Variants in NOVA1 observed in about 807,000 individuals in gnomAD.
NOVA1 encodes RNA-binding protein Nova-1.
In NOVA1, 7 loss-of-function variants were observed where a neutral mutation model predicts 38.0. The ratio of observed to expected loss-of-function variants is 0.18; its 90% CI spans 0.10 to 0.35. The LOEUF is 0.35. Ranked by LOEUF, NOVA1 falls within the 10% of genes least tolerant of loss-of-function variation. The pLI, the probability that NOVA1 is intolerant of heterozygous loss-of-function variation, is 1.00. For synonymous variants in NOVA1, 270 were observed against 232.5 expected, an observed-to-expected ratio of 1.16 and a Z score of -1.47; for missense variants, 460 against 616.0, an observed-to-expected ratio of 0.75 and a Z score of 2.68.
At chr14:26,475,131 A>G (rs900097773) in intron 3 of NOVA1, among the ~76,000 whole-genome samples, 3 of 152,148 alleles carry the variant, frequency 2.0e-5, no homozygotes, top group African/African-American at 7.2e-5. Context: ...AATCCGTAAG[A>G]AATATTTCAA....
chr14:26,561,345 C>A (rs1401068050), intron 2 of NOVA1, among the ~76,000 whole-genome samples: 2 of 152,176 alleles, frequency 1.3e-5, no homozygotes, highest in African/African-American at 2.4e-5. Flanking sequence ...ATTTTTAGAT[C>A]TTTTGTTACT....
intron 2 of NOVA1, chr14:26,592,844 T>C (rs1893942476): frequency 6.6e-6 from 1 of 151,714 alleles, no homozygotes; most frequent in South Asian, 2.1e-4. Context: ...CTGTATTCTG[T>C]GTTACACATC....
At chr14:26,567,145 A>C (rs1034169175) in intron 2 of NOVA1, among the ~76,000 whole-genome samples, 1 of 152,152 alleles carries the variant, frequency 6.6e-6, no homozygotes, top group African/African-American at 2.4e-5. Flanking sequence ...ATATTAAAGC[A>C]TATACTTTGG....
At chr14:26,449,966 T>A (rs965223193) in intron 4 of NOVA1, among the ~76,000 whole-genome samples, 6 of 152,110 alleles carry the variant, frequency 3.9e-5, no homozygotes, top group African/African-American at 1.2e-4. Flanking sequence ...TTTTCTATCA[T>A]CCCTAAAATT....
chr14:26,563,498 A>G (rs1197566170), intron 2 of NOVA1, among the ~76,000 whole-genome samples: 2 of 152,076 alleles, frequency 1.3e-5, no homozygotes, highest in African/African-American at 4.8e-5. Flanking sequence ...AAGGAAAATA[A>G]GAAAATCAGA....
At chr14:26,458,910 A>G (rs962125150) in intron 4 of NOVA1, among the ~76,000 whole-genome samples, 6 of 152,252 alleles carry the variant, frequency 3.9e-5, no homozygotes, top group African/African-American at 1.4e-4. Flanking sequence ...AAGTGTTTAG[A>G]AGTCAAAAGA....
intron 2 of NOVA1, among the ~76,000 whole-genome samples, chr14:26,522,012 C>T (rs1888934580): frequency 6.6e-6 from 1 of 151,888 alleles, no homozygotes; most frequent in African/African-American, 2.4e-5. Flanking sequence ...TAATACTGAT[C>T]TAGAATGAAA....
At chr14:26,503,537 T>G (rs550026767) in intron 2 of NOVA1, among the ~76,000 whole-genome samples, 48 of 152,232 alleles carry the variant, frequency 3.2e-4, no homozygotes, top group Middle Eastern at 6.8e-3. Context: ...TCTAGTACAA[T>G]TCTATTGGAA....
At chr14:26,481,556 TAAACAATGAAA>T (rs920733985) in intron 2 of NOVA1, among the ~76,000 whole-genome samples, 25 of 152,122 alleles carry the variant, frequency 1.6e-4, no homozygotes, top group African/African-American at 6.0e-4. Context: ...TGTCATATTT[TAAACAATGAAA>T]ATTCAGATCT....
chr14:26,502,485 G>A (rs568323624), intron 2 of NOVA1, among the ~76,000 whole-genome samples: 2 of 150,994 alleles, frequency 1.3e-5, no homozygotes, highest in African/African-American at 4.9e-5. Context: ...TAGCATTTTC[G>A]TTAACTTGCT....
At chr14:26,591,229 T>A (rs1040223111) in intron 2 of NOVA1, among the ~76,000 whole-genome samples, 2 of 151,688 alleles carry the variant, frequency 1.3e-5, no homozygotes, top group African/African-American at 4.8e-5. Flanking sequence ...TGTTTCTCCT[T>A]CAACTGTAGA....
At chr14:26,542,946 A>C (rs1242905879) in intron 2 of NOVA1, among the ~76,000 whole-genome samples, 1 of 151,926 alleles carries the variant, frequency 6.6e-6, no homozygotes, top group Non-Finnish European at 1.5e-5. Flanking sequence ...CCAAACCAGA[A>C]CTAAAACCTA....
At chr14:26,449,056 T>A (rs1882391188) in intron 4 of NOVA1, 93 bp from the exon 5 acceptor site, 2 of 1,171,472 alleles carry the variant, frequency 1.7e-6, no homozygotes, top group Non-Finnish European at 2.3e-6. Context: ...AATAATAAAC[T>A]GAAAATTAAA....
intron 2 of NOVA1, among the ~76,000 whole-genome samples, chr14:26,570,274 G>C (rs749997770): frequency 3.6e-4 from 54 of 151,968 alleles, no homozygotes; most frequent in Non-Finnish European, 7.5e-4. Context: ...TTGAACCTGG[G>C]AGGCAGAGGT....
intron 2 of NOVA1, among the ~76,000 whole-genome samples, chr14:26,554,089 C>T (rs1239823625): frequency 6.8e-5 from 10 of 146,166 alleles, no homozygotes; most frequent in African/African-American, 1.0e-4. Context: ...GCAGAGGCTG[C>T]ACTGAGCCAA....
intron 2 of NOVA1, among the ~76,000 whole-genome samples, chr14:26,572,405 G>A (rs1892535094): frequency 6.6e-6 from 1 of 152,124 alleles, no homozygotes; most frequent in African/African-American, 2.4e-5. Flanking sequence ...ATAAATTTAA[G>A]AGAATACATT....
intron 2 of NOVA1, among the ~76,000 whole-genome samples, chr14:26,535,852 G>A (rs1287793000): frequency 1.1e-4 from 17 of 151,872 alleles, no homozygotes; most frequent in Non-Finnish European, 2.2e-4. Context: ...GGTGGTGGGC[G>A]CCTGTAGTCC....
chr14:26,449,037 G>C (rs962686824), intron 4 of NOVA1, 74 bp from the exon 5 acceptor site: 8 of 1,334,750 alleles, frequency 6.0e-6, no homozygotes, highest in Non-Finnish European at 8.1e-6. Flanking sequence ...TGCTATCCTA[G>C]AAAAGTAAAA....
At chr14:26,585,115 G>T (rs1007385811) in intron 2 of NOVA1, among the ~76,000 whole-genome samples, 1 of 151,300 alleles carries the variant, frequency 6.6e-6, no homozygotes, top group African/African-American at 2.4e-5. Flanking sequence ...TTAAATCTTA[G>T]ATGTTTCACT....
Sources: allele counts gnomAD v4.1 joint callset (sites outside exome capture counted in the v4.1 genomes callset), GRCh38; gene constraint gnomAD v4.1.1; transcripts MANE v1.5; gene names NCBI Gene and HGNC (gene_info 2026-07-23, HGNC 2026-07-21).